The following FBXL3 variants were observed in gnomAD, a reference collection of about 807,000 sequenced individuals.
The protein encoded by FBXL3 is F-box/LRR-repeat protein 3.
A neutral mutation model predicts 37.9 loss-of-function variants in FBXL3; 14 were observed. That is an observed-to-expected ratio of 0.37 (90% CI 0.24 to 0.58). The LOEUF (loss-of-function observed/expected upper bound fraction) is 0.58. Among genes scored for constraint, FBXL3 ranks in the 20% least tolerant of loss-of-function variants. The pLI, the probability that FBXL3 is intolerant of heterozygous loss-of-function variation, is 0.74. For missense variants in FBXL3, 327 were observed against 511.1 expected (o/e 0.64, Z 3.47); for synonymous variants, 194 against 180.1 (o/e 1.08, Z -0.62).
At position 77,007,561 on chromosome 13, in the gene FBXL3, T is replaced by C; in HGVS notation, c.871A>G (p.Met291Val). The change falls in exon 5 of 5, where the codon ATG (methionine) becomes GTG (valine). Residue 291 changes from methionine to valine, a missense_variant. Physicochemically the swap from Met to Val is conservative, Grantham distance 21 (BLOSUM62 1). Transcript: ENST00000355619. ...TCTTCTTCATATAAAAAAAAATACA[T>C]CACTAAGTTCACTTTGGGTGAATGT... ...IRHSPKVNLV[M>V]YFFLYEEEFD... The C allele has an allele frequency of 6.2e-7, 1 of 1,614,072 alleles. No homozygotes were observed. The highest frequency in any genetic ancestry group is 2.2e-5 in the East Asian group (1 of 44,880).
chr13:77,021,155 A>G (rs2034735720), intron 2 of FBXL3, among the ~76,000 whole-genome samples: 1 of 152,230 alleles, frequency 6.6e-6, no homozygotes, highest in Admixed American at 6.5e-5. Context: ...TTCCTGTTAG[A>G]TAGAAATAGC....
Position 77,021,509 on chromosome 13 carries a change from T to C in FBXL3, c.348+4A>G. On this transcript the variant is annotated splice_donor_region_variant and intron_variant, in intron 2 of 4. Transcript: ENST00000355619. The stretch of plus-strand genomic sequence containing the variant: ...TTTTTTAAAAGAAGGATTTAAAATA[T>C]TACCTTGAAGCTGACATATTGTAGA... 1 of 1,588,146 alleles carries C rather than the reference T, an allele frequency of 6.3e-7. No homozygotes were observed. The highest frequency in any genetic ancestry group is 8.6e-7 in the Non-Finnish European group (1 of 1,164,890).
intron 1 of FBXL3, among the ~76,000 whole-genome samples, chr13:77,025,774 T>C (rs554000085): frequency 4.6e-5 from 7 of 151,698 alleles, no homozygotes; most frequent in African/African-American, 1.4e-4. Context: ...GTGTGCATCG[T>C]TGTATTAGGC....
intron 4 of FBXL3, chr13:77,008,897 T>C (rs1268985555): frequency 6.6e-6 from 1 of 152,160 alleles, no homozygotes; most frequent in African/African-American, 2.4e-5. Flanking sequence ...TATTACCTGG[T>C]AAGTTACCCA....
intron 4 of FBXL3, chr13:77,015,114 TTAATG>T (rs1482804880): frequency 2.8e-4 from 54 of 190,560 alleles, no homozygotes; most frequent in Non-Finnish European, 1.2e-4. Flanking sequence ...TCTACTGTAA[TTAATG>T]GAGCACCTCA....
chr13:77,027,090 CGA>C lies in FBXL3; in HGVS notation c.-267_-266del, dbSNP rs2034858886. 1 of 152,024 alleles carries C rather than the reference CGA, an allele frequency of 6.6e-6. No homozygotes were observed. Among genetic ancestry groups the C allele is most frequent in the Non-Finnish European group, 1.5e-5 (1 of 68,032 alleles). 9.4% of individuals were successfully genotyped at this position (152,024 alleles called of 1,614,324 possible). A position where few individuals can be genotyped will look rare whatever the true frequency, so the allele number is the denominator to read the frequency against. ...CTGTGTTCAGGGATCCCCGGCGCCG[CGA>C]GAGACTACCTCAGCGAGCGGCTGCC... On this transcript the variant is annotated 5_prime_UTR_variant, in exon 1 of 5. Transcript: ENST00000355619.
Position 77,007,796 on chromosome 13 carries a change from GAA to G in FBXL3, c.644-10_644-9del. On this transcript the variant is annotated splice_polypyrimidine_tract_variant and intron_variant, in intron 4 of 4. Transcript: ENST00000355619. ...CAGCCACACAAAGGATACCTTGAAA[GAA>G]AAAAAAAATTATTTGCAAGTTTTTG... 3 of 1,471,914 alleles carry G rather than the reference GAA, an allele frequency of 2.0e-6. No homozygotes were observed. Among genetic ancestry groups the G allele is most frequent in the Non-Finnish European group, 2.7e-6 (3 of 1,098,678 alleles). 91.2% of individuals were successfully genotyped at this position (1,471,914 alleles called of 1,614,324 possible).
intron 1 of FBXL3, among the ~76,000 whole-genome samples, chr13:77,023,989 A>G (rs919511126): frequency 6.6e-6 from 1 of 152,190 alleles, no homozygotes; most frequent in African/African-American, 2.4e-5. Flanking sequence ...CCTATTCCCA[A>G]CTATGTGAAT....
At chr13:77,026,800 G>C (rs2034851242) in intron 1 of FBXL3, 27 bp downstream of exon 1, 1 of 148,848 alleles carries the variant, frequency 6.7e-6, no homozygotes, top group South Asian at 2.1e-4. Context: ...GTCGCAGCGG[G>C]GCTCGGCCCT....
intron 1 of FBXL3, among the ~76,000 whole-genome samples, chr13:77,024,256 C>T (rs1401557007): frequency 6.6e-6 from 1 of 152,068 alleles, no homozygotes; most frequent in African/African-American, 2.4e-5. Flanking sequence ...CTTTAACTTA[C>T]CCTGAAGGCT....
At position 77,021,750 on chromosome 13, in the gene FBXL3, A is replaced by G. The variant is rs759215137; in HGVS notation, c.111T>C (p.Gly37=). 2 of 1,613,848 alleles carry G rather than the reference A, an allele frequency of 1.2e-6. No homozygotes were observed. The highest frequency in any genetic ancestry group is 1.7e-6 in the Non-Finnish European group (2 of 1,180,002). The change falls in exon 2 of 5, where the codon GGT becomes GGC. Residue 37 remains glycine, a synonymous_variant. Transcript: ENST00000355619. ...TNEHSQTCDW[G]NLLQDIILQV... ...GGAGAATAATGTCCTGAAGGAGATTACCCCAATCACAAGTCTGAGAATGCT... is the reference window on the plus strand; with the variant it reads ...GGAGAATAATGTCCTGAAGGAGATTGCCCCAATCACAAGTCTGAGAATGCT...
At chr13:77,023,315 C>G (rs2034777915) in intron 1 of FBXL3, among the ~76,000 whole-genome samples, 1 of 151,028 alleles carries the variant, frequency 6.6e-6, no homozygotes, top group Non-Finnish European at 1.5e-5. Flanking sequence ...ACACCCGACT[C>G]TATTTTTGCT....
intron 1 of FBXL3, among the ~76,000 whole-genome samples, chr13:77,023,366 G>A (rs1179878612): frequency 1.3e-5 from 2 of 152,094 alleles, no homozygotes; most frequent in Admixed American, 6.5e-5. Flanking sequence ...GTGTGTGTGT[G>A]TGTGTGTCAG....
chr13:77,014,802 A>G (rs1323789426), intron 4 of FBXL3: 9 of 152,214 alleles, frequency 5.9e-5, no homozygotes, highest in Admixed American at 3.9e-4. Flanking sequence ...TCTCTTTTCA[A>G]TACAAACCAC....
chr13:77,007,751 T>A lies in FBXL3; in HGVS notation c.681A>T (p.Arg227Ser). 1 of 1,610,858 alleles carries A rather than the reference T, an allele frequency of 6.2e-7. No individual in the cohort carries two copies. The highest frequency in any genetic ancestry group is 8.5e-7 in the Non-Finnish European group (1 of 1,177,600). ...ATAAGTGGTAGTTCAGGGCTAGTTCTCTTAAGCCGTGACACTGATCAGCCA... is the reference window on the plus strand; with the variant it reads ...ATAAGTGGTAGTTCAGGGCTAGTTCACTTAAGCCGTGACACTGATCAGCCA... ...LCVADQCHGL[R>S]ELALNYHLLS... The change falls in exon 5 of 5, where the codon AGA (arginine) becomes AGT (serine). Residue 227 changes from arginine to serine, a missense_variant. Physicochemically the swap from Arg to Ser is moderately radical, Grantham distance 110. Transcript: ENST00000355619.
intron 4 of FBXL3, chr13:77,009,220 G>GA (rs2034503119): frequency 6.6e-6 from 1 of 152,196 alleles, no homozygotes; most frequent in African/African-American, 2.4e-5. Flanking sequence ...ATAGGCATTA[G>GA]AATTATCAGA....
At position 77,007,154 on chromosome 13, in the gene FBXL3, G is replaced by A; in HGVS notation, c.1278C>T (p.Pro426=). ...ATTCATCATGCAGTTTTTACCAAGT[G>A]GGCATCATGTCGGGAAACCACACCC... ...LGRVWFPDMM[P]TW is the part of the protein sequence containing the mutation. The change falls in exon 5 of 5, where the codon CCC becomes CCT. Residue 426 remains proline, a synonymous_variant. Coordinates refer to ENST00000355619, the MANE Select transcript of FBXL3 (RefSeq NM_012158.4). 6.2e-7 allele frequency: 1 copy of A among 1,600,034 alleles called. No homozygotes were observed. The highest frequency in any genetic ancestry group is 8.5e-7 in the Non-Finnish European group (1 of 1,171,076).
chr13:77,021,390 C>T, intron 2 of FBXL3, 123 bp downstream of exon 2: 1 of 670,866 alleles, frequency 1.5e-6, no homozygotes, highest in Non-Finnish European at 2.4e-6. Flanking sequence ...TACAATAATT[C>T]TAAATTTTTA....
At chr13:77,010,751 G>A (rs1773045) in intron 4 of FBXL3, 30,052 of 152,148 alleles carry the variant, frequency 0.2, 4,941 homozygotes, top group African/African-American at 0.44. Context: ...TGAGCGTGGA[G>A]GTGGATTCTT....
Sources: gnomAD v4.1 joint callset for allele counts (sites outside exome capture counted in the v4.1 genomes callset) on GRCh38, gnomAD v4.1.1 for gene constraint, MANE v1.5 for transcripts, NCBI Gene and HGNC (gene_info 2026-07-23, HGNC 2026-07-21) for gene names.